Variants in DOCK2 observed in about 807,000 individuals in gnomAD.
DOCK2 encodes dedicator of cytokinesis protein 2.
In DOCK2, 87 loss-of-function variants were observed where a neutral mutation model predicts 248.9. That is an observed-to-expected ratio of 0.35 (90% confidence interval 0.29 to 0.42). The LOEUF (loss-of-function observed/expected upper bound fraction) is 0.42, where lower values mean the gene tolerates loss of function less well. DOCK2 is among the 10% of genes least tolerant of loss of function. The pLI is 1.00. For missense variants in DOCK2, 1,747 were observed against 2,300.2 expected (o/e 0.76, Z 4.92); for synonymous variants, 805 against 821.6 (o/e 0.98, Z 0.35).
intron 37 of DOCK2, 89 bp from the exon 38 acceptor site, chr5:170,041,924 C>T (rs1013419339): frequency 1.2e-5 from 18 of 1,464,004 alleles, no homozygotes; most frequent in Middle Eastern, 2.4e-4. Flanking sequence ...TGTGTGTTGG[C>T]AGGGTGGTTC....
intron 27 of DOCK2, among the ~76,000 whole-genome samples, chr5:169,938,857 TTC>T (rs1776105919): frequency 6.6e-6 from 1 of 151,938 alleles, no homozygotes; most frequent in Non-Finnish European, 1.5e-5. Flanking sequence ...CAAAAATATT[TTC>T]TTTCTTCATA....
At chr5:169,809,604 A>T (rs1767613961) in intron 26 of DOCK2, among the ~76,000 whole-genome samples, 2 of 152,070 alleles carry the variant, frequency 1.3e-5, no homozygotes, top group African/African-American at 4.8e-5. Flanking sequence ...GTGTAACAGG[A>T]GGCTTTGAGT....
intron 1 of DOCK2, among the ~76,000 whole-genome samples, chr5:169,646,736 A>C (rs1269559301): frequency 6.6e-6 from 1 of 152,152 alleles, no homozygotes; most frequent in African/African-American, 2.4e-5. Flanking sequence ...TGTCGCCAAA[A>C]CTCATTCATG....
At chr5:169,694,897 C>A (rs557906689) in intron 9 of DOCK2, among the ~76,000 whole-genome samples, 1 of 152,168 alleles carries the variant, frequency 6.6e-6, no homozygotes, top group East Asian at 1.9e-4. Flanking sequence ...ATTATTTGAG[C>A]CTGGGAGACT....
At chr5:169,877,408 G>A (rs527939179) in intron 27 of DOCK2, among the ~76,000 whole-genome samples, 72 of 152,356 alleles carry the variant, frequency 4.7e-4, no homozygotes, top group African/African-American at 1.6e-3. Flanking sequence ...TGAACCTGCG[G>A]CAGAGGAATT....
intron 22 of DOCK2, among the ~76,000 whole-genome samples, chr5:169,732,115 T>A (rs1762812393): frequency 6.6e-6 from 1 of 152,130 alleles, no homozygotes; most frequent in Non-Finnish European, 1.5e-5. Flanking sequence ...TGAGACCCCA[T>A]CTTAAAACAA....
intron 22 of DOCK2, among the ~76,000 whole-genome samples, chr5:169,742,827 G>A (rs956305327): frequency 1.3e-5 from 2 of 152,206 alleles, no homozygotes; most frequent in African/African-American, 2.4e-5. Flanking sequence ...CATGCAAGCC[G>A]AGCATCGCTA....
At chr5:169,837,050 G>A (rs535098690) in intron 26 of DOCK2, among the ~76,000 whole-genome samples, 8 of 152,054 alleles carry the variant, frequency 5.3e-5, no homozygotes, top group Non-Finnish European at 1.0e-4. Context: ...CCTTAGCCCC[G>A]ACCCTGCCTA....
chr5:169,970,702 G>T (rs958599272), intron 27 of DOCK2, among the ~76,000 whole-genome samples: 4 of 152,220 alleles, frequency 2.6e-5, no homozygotes, highest in African/African-American at 4.8e-5. Context: ...GGCCCTGCCA[G>T]GGTGAAATAA....
At chr5:169,730,681 A>G (rs936581375) in intron 22 of DOCK2, among the ~76,000 whole-genome samples, 24 of 152,124 alleles carry the variant, frequency 1.6e-4, no homozygotes, top group African/African-American at 5.3e-4. Flanking sequence ...TGGAGGATGG[A>G]CATCCTGTGT....
intron 41 of DOCK2, 138 bp downstream of exon 41, chr5:170,050,535 C>T: frequency 9.7e-7 from 1 of 1,032,072 alleles, no homozygotes; most frequent in Non-Finnish European, 1.4e-6. Context: ...GAACATGCAA[C>T]ATGTTCTTTG....
chr5:169,988,476 T>C (rs1221128131), intron 29 of DOCK2, among the ~76,000 whole-genome samples: 1 of 152,116 alleles, frequency 6.6e-6, no homozygotes, highest in Non-Finnish European at 1.5e-5. Context: ...AAAACAATGC[T>C]CTTAATCTCT....
chr5:169,935,665 C>A (rs573517852), intron 27 of DOCK2, among the ~76,000 whole-genome samples: 1 of 152,162 alleles, frequency 6.6e-6, no homozygotes, highest in Non-Finnish European at 1.5e-5. Flanking sequence ...GTTGCCGATG[C>A]GGTGAAGTCA....
rs1302717968 is a variant in DOCK2 at position 169,877,773 on chromosome 5, C to T, written c.2799+36921C>T. ...TGATGGGAAGAAACTAAGGATAAGA[C>T]GAGGAGCAGTCTGTCCAGGTGGACC... On this transcript the variant is annotated intron_variant, in intron 27 of 51. Coordinates refer to ENST00000520908, the MANE Select transcript of DOCK2 (RefSeq NM_004946.3). 5.3e-5 allele frequency among the ~76,000 whole-genome samples: 8 copies of T among 152,078 alleles called. 1 individual carries two copies. Among genetic ancestry groups the T allele is most frequent in the Admixed American group, 2.0e-4 (3 of 15,268 alleles).
At chr5:169,849,632 A>C (rs1269853402) in intron 27 of DOCK2, among the ~76,000 whole-genome samples, 1 of 152,266 alleles carries the variant, frequency 6.6e-6, no homozygotes, top group Non-Finnish European at 1.5e-5. Context: ...TAATTAAACC[A>C]CAAAAACTCT....
In DOCK2 at chr5:169,860,946, G is replaced by A. The variant is rs186854847; in HGVS notation, c.2799+20094G>A. 3.3e-5 allele frequency among the ~76,000 whole-genome samples: 5 copies of A among 152,112 alleles called. No individual in the cohort carries two copies. The East Asian group carries it at 9.7e-4, about 29-fold the overall frequency. On this transcript the variant is annotated intron_variant, in intron 27 of 51. Transcript: ENST00000520908. ...CATGATATTGTTTTTCTTCACATTG[G>A]CGATATAAATTTGCCTTTTAAGGAA... is the stretch of plus-strand genomic sequence containing the variant.
intron 27 of DOCK2, among the ~76,000 whole-genome samples, chr5:169,969,772 A>C (rs1486597188): frequency 6.6e-6 from 1 of 152,232 alleles, no homozygotes; most frequent in African/African-American, 2.4e-5. Flanking sequence ...CAGCAGACCA[A>C]GATGAGTTGG....
chr5:169,650,667 G>A (rs1164151361), intron 1 of DOCK2, among the ~76,000 whole-genome samples: 2 of 152,180 alleles, frequency 1.3e-5, no homozygotes, highest in Non-Finnish European at 2.9e-5. Context: ...GCCAACCTGG[G>A]ATTTCCAATG....
chr5:170,013,119 G>A (rs952649966), intron 32 of DOCK2, among the ~76,000 whole-genome samples: 1 of 152,130 alleles, frequency 6.6e-6, no homozygotes, highest in African/African-American at 2.4e-5. Context: ...GAATTGGAAG[G>A]AGGACCATGT....
Sources: allele counts gnomAD v4.1 joint callset (sites outside exome capture counted in the v4.1 genomes callset), GRCh38; gene constraint gnomAD v4.1.1; transcripts MANE v1.5; gene names NCBI Gene and HGNC (gene_info 2026-07-23, HGNC 2026-07-21).